COLEC11: variants seen among roughly 807,000 people sequenced by gnomAD.
COLEC11 encodes collectin subfamily member 11.
COLEC11 carries 20 observed loss-of-function variants against 27.3 expected under a neutral mutation model. That is an observed-to-expected ratio of 0.73 (90% CI 0.51 to 1.06). The LOEUF (loss-of-function observed/expected upper bound fraction) is 1.06. Among genes scored for constraint, COLEC11 ranks in the 50% least tolerant of loss-of-function variants. The probability of loss-of-function intolerance (pLI) is 0.00; values close to 1 mark genes in which losing one functional copy is unlikely to be tolerated. For synonymous variants in COLEC11, 163 were observed against 154.7 expected, an observed-to-expected ratio of 1.05 and a Z score of -0.40; for missense variants, 310 against 383.0, an observed-to-expected ratio of 0.81 and a Z score of 1.59.
At chr2:3,603,310 T>G in intron 1 of COLEC11, 1 of 183,794 alleles carries the variant, frequency 5.4e-6, no homozygotes, top group Middle Eastern at 2.6e-3. Context: ...CCGAGTTTTA[T>G]TTATTTATTA....
intron 3 of COLEC11, among the ~76,000 whole-genome samples, chr2:3,635,758 C>T (rs1352679519): frequency 1.3e-5 from 2 of 152,220 alleles, no homozygotes; most frequent in South Asian, 2.1e-4. Flanking sequence ...CCTCCCTCGT[C>T]CCTGCATCGT....
At chr2:3,624,765 C>T (rs898074973) in intron 3 of COLEC11, among the ~76,000 whole-genome samples, 29 of 152,184 alleles carry the variant, frequency 1.9e-4, no homozygotes, top group African/African-American at 6.8e-4. Context: ...TACAAAGACA[C>T]TTTTGTTCAT....
intron 1 of COLEC11, among the ~76,000 whole-genome samples, chr2:3,600,892 T>C (rs925191746): frequency 6.6e-6 from 1 of 152,234 alleles, no homozygotes; most frequent in South Asian, 2.1e-4. Context: ...TTTTCCATTA[T>C]AAATGTTAAG....
intron 5 of COLEC11, 102 bp downstream of exon 5, chr2:3,640,433 CA>C (rs1200007997): frequency 2.8e-6 from 2 of 720,626 alleles, no homozygotes; most frequent in African/African-American, 3.6e-5. Flanking sequence ...AGTGGACACC[CA>C]CCCCTGTCAC....
At chr2:3,643,344 T>G in intron 5 of COLEC11, 100 bp from the exon 6 acceptor site, 1 of 998,066 alleles carries the variant, frequency 1.0e-6, no homozygotes, top group Non-Finnish European at 1.6e-6. Context: ...TGGGGCACGT[T>G]TGTTGAGTAA....
intron 2 of COLEC11, chr2:3,605,845 T>A (rs947906345): frequency 4.4e-6 from 2 of 449,544 alleles, no homozygotes. Flanking sequence ...TCCGGACAGC[T>A]CGGGGCCACC....
intron 2 of COLEC11, among the ~76,000 whole-genome samples, chr2:3,611,687 G>A (rs996454624): frequency 6.6e-6 from 1 of 152,222 alleles, no homozygotes; most frequent in African/African-American, 2.4e-5. Context: ...GTGGCCCTGC[G>A]GGGCTGGGGC....
chr2:3,607,468 A>ATTTT (rs1662822022), intron 2 of COLEC11, among the ~76,000 whole-genome samples: 1 of 30,842 alleles, frequency 3.2e-5, no homozygotes. Flanking sequence ...TTTTTTTGAG[A>ATTTT]TGGAGTTTCT....
chr2:3,640,051 A>G (rs969735496), intron 4 of COLEC11, among the ~76,000 whole-genome samples: 1 of 152,216 alleles, frequency 6.6e-6, no homozygotes, highest in Non-Finnish European at 1.5e-5. Context: ...GATTTAAAGA[A>G]TGATCACTCG....
intron 3 of COLEC11, among the ~76,000 whole-genome samples, chr2:3,614,005 C>T (rs1283796098): frequency 1.7e-5 from 2 of 115,948 alleles, no homozygotes; most frequent in African/African-American, 3.6e-5. Context: ...GAGACTGAGT[C>T]TTGCTCTGTT....
At chr2:3,635,454 C>T (rs1665332732) in intron 3 of COLEC11, among the ~76,000 whole-genome samples, 1 of 152,216 alleles carries the variant, frequency 6.6e-6, no homozygotes, top group Admixed American at 6.5e-5. Flanking sequence ...GCCCTCTTCG[C>T]CAACCCTCCA....
At chr2:3,609,796 C>T (rs966353316) in intron 2 of COLEC11, among the ~76,000 whole-genome samples, 2 of 152,142 alleles carry the variant, frequency 1.3e-5, no homozygotes, top group African/African-American at 4.8e-5. Context: ...TCCCAAAATG[C>T]TGGGATTACA....
chr2:3,642,047 A>G (rs1665907265), intron 5 of COLEC11, among the ~76,000 whole-genome samples: 1 of 152,234 alleles, frequency 6.6e-6, no homozygotes, highest in Admixed American at 6.5e-5. Flanking sequence ...GGGACTAGGA[A>G]CAAACTCGCA....
intron 2 of COLEC11, among the ~76,000 whole-genome samples, chr2:3,609,313 T>C (rs1480082116): frequency 6.7e-6 from 1 of 148,976 alleles, no homozygotes; most frequent in Non-Finnish European, 1.5e-5. Flanking sequence ...AGGGTCTCTT[T>C]CCGTGCCTCC....
Position 3,615,757 on chromosome 2 carries a change from G to A in COLEC11, c.202+2375G>A, listed in dbSNP as rs549430372. Among the ~76,000 whole-genome samples, 28 of 151,502 alleles carry A rather than the reference G, an allele frequency of 1.8e-4. No homozygotes were observed. In the South Asian group the frequency reaches 4.6e-3, roughly 25 times the overall value. The stretch of plus-strand genomic sequence containing the variant: ...CCACCTCGCGGACAGGGCGGTGGCC[G>A]GGCAGAGGCTCCCCCCACCTCCCAG... On this transcript the variant is annotated intron_variant, in intron 3 of 6. Transcript: ENST00000349077.
intron 3 of COLEC11, among the ~76,000 whole-genome samples, chr2:3,636,442 A>G (rs1204370763): frequency 6.6e-6 from 1 of 152,148 alleles, no homozygotes; most frequent in African/African-American, 2.4e-5. Context: ...GTGACAGAGT[A>G]AGACTCCATC....
At chr2:3,616,133 G>C (rs1663704130) in intron 3 of COLEC11, among the ~76,000 whole-genome samples, 1 of 150,838 alleles carries the variant, frequency 6.6e-6, no homozygotes, top group Non-Finnish European at 1.5e-5. Context: ...GTCGTGGCTG[G>C]GCAGAGGCGC....
intron 3 of COLEC11, among the ~76,000 whole-genome samples, chr2:3,621,131 C>T (rs559361212): frequency 1.3e-5 from 2 of 152,080 alleles, no homozygotes; most frequent in South Asian, 2.1e-4. Context: ...TATTGAAGTC[C>T]CCTACTATTA....
intron 3 of COLEC11, among the ~76,000 whole-genome samples, chr2:3,615,346 C>T (rs186647721): frequency 5.6e-4 from 85 of 152,206 alleles, no homozygotes; most frequent in African/African-American, 1.9e-3. Context: ...TGACTCTTAA[C>T]GAGCATGCTG....
Sources: allele counts gnomAD v4.1 joint callset (sites outside exome capture counted in the v4.1 genomes callset), GRCh38; gene constraint gnomAD v4.1.1; transcripts MANE v1.5; gene names NCBI Gene and HGNC (gene_info 2026-07-23, HGNC 2026-07-21).